NRG1: variants seen among roughly 807,000 people sequenced by gnomAD.
The protein encoded by NRG1 is pro-neuregulin-1, membrane-bound isoform.
Under a neutral mutation model 63.8 loss-of-function variants are expected in NRG1, and 18 were observed. The ratio of observed to expected loss-of-function variants is 0.28; its 90% CI spans 0.19 to 0.42. The LOEUF is 0.42. Among genes scored for constraint, NRG1 ranks in the 10% least tolerant of loss-of-function variants. NRG1 has a pLI of 1.00. For missense variants in NRG1, 762 were observed against 814.7 expected, an observed-to-expected ratio of 0.94 and a Z score of 0.79; for synonymous variants, 302 against 301.3, an observed-to-expected ratio of 1.00 and a Z score of -0.02.
chr8:32,742,990 T>A lies in NRG1; in HGVS notation c.691+257T>A, dbSNP rs1826706403. 1.5e-6 allele frequency: 2 copies of A among 1,301,552 alleles called. No homozygotes were observed. The highest frequency in any genetic ancestry group is 6.0e-5 in the East Asian group (2 of 33,482). The allele number at this position is 1,301,552 out of a possible 1,614,324, so 80.6% of individuals were successfully genotyped here. A position where few individuals can be genotyped will look rare whatever the true frequency, so the allele number is the denominator to read the frequency against. On this transcript the variant is annotated intron_variant, in intron 7 of 11. Coordinates refer to ENST00000356819, the Ensembl canonical transcript of NRG1. This position sits in a 1 kb window ranked among gnomAD's most constrained non-coding sequence, Gnocchi z 4.2. Reference sequence around the variant, plus strand: ...TGTTTCTGGAATTGATATTGAATGATGTGATACAAATTGATAGTCAATATC... The same window carrying A: ...TGTTTCTGGAATTGATATTGAATGAAGTGATACAAATTGATAGTCAATATC...
At chr8:32,499,567 A>G (rs1338741949) in intron 1 of NRG1, among the ~76,000 whole-genome samples, 1 of 152,106 alleles carries the variant, frequency 6.6e-6, no homozygotes, top group African/African-American at 2.4e-5. Context: ...CCAACTACTC[A>G]GGAGGCTGAG....
chr8:32,274,571 GGAAA>G (rs1159554137), intron 1 of NRG1, among the ~76,000 whole-genome samples: 1 of 152,000 alleles, frequency 6.6e-6, no homozygotes, highest in African/African-American at 2.4e-5. Context: ...CACTTTACAG[GGAAA>G]GAAAGTGAAA....
At chr8:31,965,006 C>T (rs890515815) in intron 1 of NRG1, among the ~76,000 whole-genome samples, 1 of 152,096 alleles carries the variant, frequency 6.6e-6, no homozygotes, top group African/African-American at 2.4e-5. Context: ...TCGTTAGGGC[C>T]AAAGCATAGG....
At chr8:32,204,309 T>C (rs1330724465) in intron 1 of NRG1, among the ~76,000 whole-genome samples, 1 of 152,218 alleles carries the variant, frequency 6.6e-6, no homozygotes, top group Non-Finnish European at 1.5e-5. Flanking sequence ...ATCTGACTTC[T>C]TTTTTAACAA....
At chr8:31,755,914 G>T (rs541956614) in intron 1 of NRG1, among the ~76,000 whole-genome samples, 2 of 152,232 alleles carry the variant, frequency 1.3e-5, no homozygotes, top group East Asian at 3.9e-4. Flanking sequence ...GATCAAGCTT[G>T]TTTATGGTGG....
intron 1 of NRG1, among the ~76,000 whole-genome samples, chr8:31,984,317 C>A (rs1410121974): frequency 2.0e-5 from 3 of 152,006 alleles, no homozygotes; most frequent in Admixed American, 2.0e-4. Flanking sequence ...TTTCCTTAAG[C>A]CCCCTTTCAT....
chr8:32,348,309 GA>G (rs1274088654), intron 1 of NRG1, among the ~76,000 whole-genome samples: 7 of 151,896 alleles, frequency 4.6e-5, no homozygotes, highest in African/African-American at 1.7e-4. Context: ...GTTATTTCAG[GA>G]AAAGTTCTTT....
chr8:32,232,858 C>T (rs1041513691), intron 1 of NRG1, among the ~76,000 whole-genome samples: 2 of 152,100 alleles, frequency 1.3e-5, no homozygotes, highest in Non-Finnish European at 2.9e-5. Flanking sequence ...GCTGGATTCT[C>T]CTGTAAAACT....
chr8:31,753,570 T>A (rs1816692224), intron 1 of NRG1, among the ~76,000 whole-genome samples: 2 of 152,132 alleles, frequency 1.3e-5, no homozygotes. Context: ...ATTAAATTAA[T>A]GGAATCATGC....
At chr8:32,296,327 C>T (rs1378941105) in intron 1 of NRG1, among the ~76,000 whole-genome samples, 4 of 152,096 alleles carry the variant, frequency 2.6e-5, no homozygotes, top group African/African-American at 4.8e-5. Flanking sequence ...CGGTGGCTCA[C>T]GCCTGTAACC....
intron 1 of NRG1, among the ~76,000 whole-genome samples, chr8:32,372,065 T>G (rs913183408): frequency 3.4e-5 from 5 of 148,442 alleles, no homozygotes; most frequent in African/African-American, 7.4e-5. Flanking sequence ...CATGACTGAC[T>G]GTGGTGTCAA....
chr8:32,394,782 C>A (rs1432042727), intron 1 of NRG1, among the ~76,000 whole-genome samples: 6 of 152,112 alleles, frequency 3.9e-5, no homozygotes, highest in Non-Finnish European at 7.3e-5. Flanking sequence ...ACTTTTAGCC[C>A]CTTCCATTTG....
chr8:32,020,907 T>TATGA (rs1359342454), intron 1 of NRG1, among the ~76,000 whole-genome samples: 3 of 152,208 alleles, frequency 2.0e-5, no homozygotes, highest in Non-Finnish European at 4.4e-5. Flanking sequence ...GCTTCTACTC[T>TATGA]ACACTATGAA....
At chr8:32,335,709 G>C (rs1321752281) in intron 1 of NRG1, among the ~76,000 whole-genome samples, 3 of 152,080 alleles carry the variant, frequency 2.0e-5, no homozygotes, top group Non-Finnish European at 2.9e-5. Flanking sequence ...GGCAGATGGA[G>C]CCTGAGTTTA....
At chr8:31,975,727 C>G (rs1808055438) in intron 1 of NRG1, among the ~76,000 whole-genome samples, 1 of 152,074 alleles carries the variant, frequency 6.6e-6, no homozygotes, top group Non-Finnish European at 1.5e-5. Flanking sequence ...GTAGACTTCT[C>G]CACATGCTGT....
intron 1 of NRG1, among the ~76,000 whole-genome samples, chr8:31,913,444 G>T (rs761436462): frequency 6.6e-6 from 1 of 152,102 alleles, no homozygotes; most frequent in African/African-American, 2.4e-5. Flanking sequence ...TTTCAAATGA[G>T]GAGATTGCTT....
chr8:32,549,968 C>T (rs977941316), intron 1 of NRG1, among the ~76,000 whole-genome samples: 1 of 152,166 alleles, frequency 6.6e-6, no homozygotes. Context: ...TTCACTAGTA[C>T]TTGATAATAC....
intron 1 of NRG1, among the ~76,000 whole-genome samples, chr8:32,359,414 G>T (rs1304734432): frequency 6.6e-6 from 1 of 151,834 alleles, no homozygotes; most frequent in Non-Finnish European, 1.5e-5. Context: ...GACTAATCTT[G>T]CCCCATCATA....
At chr8:32,331,303 G>A (rs959732451) in intron 1 of NRG1, among the ~76,000 whole-genome samples, 1 of 147,572 alleles carries the variant, frequency 6.8e-6, no homozygotes, top group African/African-American at 2.5e-5. Context: ...CTGAACTCCT[G>A]AGTTCAGGAG....
Sources: gnomAD v4.1 joint callset for allele counts (sites outside exome capture counted in the v4.1 genomes callset) on GRCh38, gnomAD v4.1.1 for gene constraint, Gnocchi (gnomAD v3.1) non-coding constraint, MANE v1.5 for transcripts, NCBI Gene and HGNC (gene_info 2026-07-23, HGNC 2026-07-21) for gene names.